Variants in TARS3 observed in about 807,000 individuals in gnomAD.
TARS3 encodes the protein threonine--tRNA ligase 2, cytoplasmic.
In TARS3, 94 loss-of-function variants were observed where a neutral mutation model predicts 103.5. That is an observed-to-expected ratio of 0.91 (90% CI 0.77 to 1.08). The LOEUF (loss-of-function observed/expected upper bound fraction) is 1.08, where lower values mean the gene tolerates loss of function less well. TARS3 is among the 50% of genes least tolerant of loss of function. TARS3 has a pLI of 0.00. For synonymous variants in TARS3, 416 were observed against 355.4 expected, an observed-to-expected ratio of 1.17 and a Z score of -1.92; for missense variants, 952 against 995.2, an observed-to-expected ratio of 0.96 and a Z score of 0.58.
intron 16 of TARS3, among the ~76,000 whole-genome samples, chr15:101,659,994 T>TA (rs1282506064): frequency 2.0e-5 from 3 of 152,322 alleles, no homozygotes; most frequent in African/African-American, 7.2e-5. Flanking sequence ...GGGTGTGATC[T>TA]AGGTTCTGCT....
chr15:101,689,642 G>A (rs1288406428), intron 10 of TARS3, among the ~76,000 whole-genome samples: 1 of 152,168 alleles, frequency 6.6e-6, no homozygotes, highest in African/African-American at 2.4e-5. Flanking sequence ...GAACACTAAA[G>A]ATGACTGGCA....
Position 101,724,315 on chromosome 15 carries a change from G to A in TARS3, c.73C>T (p.Leu25=). Residue 25 remains leucine (L), a synonymous_variant, in exon 1 of 19, where the codon CTG becomes TTG. Transcript: ENST00000335968. ...CTCAGGCGCTCGACCTCCGACCACA[G>A]CCAGCGGATGTCCTCCTCCTGCCGC... ...LERQEEDIRW[L]WSEVERLRDE... is the part of the protein sequence containing the mutation. 1.9e-6 allele frequency: 3 copies of A among 1,568,784 alleles called. No homozygotes were observed. The highest frequency in any genetic ancestry group is 2.6e-6 in the Non-Finnish European group (3 of 1,164,160).
In TARS3 at chr15:101,703,852, T is replaced by A; in HGVS notation, c.1074+7A>T. ...GTTTACTGTATTAAAAAAAAATCAA[T>A]CCTTACCTTAAAAATTTTGATGGTT... On this transcript the variant is annotated splice_region_variant and intron_variant, in intron 8 of 18. Coordinates refer to ENST00000335968, the MANE Select transcript of TARS3 (RefSeq NM_152334.3). 6.2e-7 allele frequency: 1 copy of A among 1,601,480 alleles called. No individual in the cohort carries two copies. Among genetic ancestry groups the A allele is most frequent in the Non-Finnish European group, 8.6e-7 (1 of 1,169,254 alleles).
At chr15:101,661,247 G>T (rs576144899) in intron 16 of TARS3, among the ~76,000 whole-genome samples, 1 of 151,952 alleles carries the variant, frequency 6.6e-6, no homozygotes, top group South Asian at 2.1e-4. Flanking sequence ...CTTTGAGTTT[G>T]TGCCATTTAT....
intron 2 of TARS3, among the ~76,000 whole-genome samples, chr15:101,722,510 CAA>C (rs775394707): frequency 2.7e-4 from 29 of 108,428 alleles, no homozygotes; most frequent in Admixed American, 2.9e-4. Flanking sequence ...TTCTCGAATA[CAA>C]AAAAAAAAAA....
chr15:101,715,024 T>C (rs1303747243), intron 3 of TARS3, 61 bp from the exon 4 acceptor site: 12 of 1,472,204 alleles, frequency 8.2e-6, no homozygotes, highest in African/African-American at 1.4e-5. Context: ...TTCCTTAAAA[T>C]ATTAAAAGAA....
chr15:101,657,022 A>G lies in TARS3; in HGVS notation c.2160T>C (p.Phe720=). The G allele has an allele frequency of 6.2e-7, 1 of 1,611,692 alleles. No individual in the cohort carries two copies. The highest frequency in any genetic ancestry group is 8.5e-7 in the Non-Finnish European group (1 of 1,177,916). The part of the protein sequence containing the change: ...EKYALQVSSE[F]FEEGFMADVD... ...CGTCAGCCATAAATCCTTCTTCAAA[A>G]AATTCACTGGATACCTAGAAGAAAA... The change falls in exon 18 of 19, where the codon TTT becomes TTC. Residue 720 remains phenylalanine (F), a synonymous_variant. Transcript: ENST00000335968.
At chr15:101,721,345 G>A in intron 2 of TARS3, 23 bp from the exon 3 acceptor site, 3 of 1,585,568 alleles carry the variant, frequency 1.9e-6, no homozygotes, top group Non-Finnish European at 2.6e-6. Flanking sequence ...AGAACATAAT[G>A]AGATTAATAT....
chr15:101,713,440 T>C (rs939002224), intron 4 of TARS3, among the ~76,000 whole-genome samples: 2 of 152,230 alleles, frequency 1.3e-5, no homozygotes, highest in African/African-American at 4.8e-5. Flanking sequence ...CATCATTTGA[T>C]AGCTCGATGG....
At chr15:101,711,200 A>G (rs1899850484) in intron 5 of TARS3, among the ~76,000 whole-genome samples, 1 of 152,242 alleles carries the variant, frequency 6.6e-6, no homozygotes, top group African/African-American at 2.4e-5. Context: ...CAAGTCCAAG[A>G]TTAGATAAAT....
At chr15:101,680,069 A>G (rs1191583743) in intron 12 of TARS3, among the ~76,000 whole-genome samples, 1 of 152,164 alleles carries the variant, frequency 6.6e-6, no homozygotes, top group African/African-American at 2.4e-5. Flanking sequence ...CTCCCCACAT[A>G]GTCTTCACTG....
chr15:101,704,782 C>T (rs1332945522), intron 7 of TARS3, among the ~76,000 whole-genome samples: 1 of 151,280 alleles, frequency 6.6e-6, no homozygotes, highest in African/African-American at 2.4e-5. Flanking sequence ...AAGTAAGGTT[C>T]TCAAACCCAA....
intron 10 of TARS3, among the ~76,000 whole-genome samples, chr15:101,697,031 TC>T (rs1396251870): frequency 6.6e-6 from 1 of 152,142 alleles, no homozygotes; most frequent in Non-Finnish European, 1.5e-5. Context: ...TATATAAATG[TC>T]CCCCCTTTGT....
At chr15:101,665,881 A>C (rs1178368706) in intron 15 of TARS3, among the ~76,000 whole-genome samples, 2 of 152,214 alleles carry the variant, frequency 1.3e-5, no homozygotes, top group African/African-American at 4.8e-5. Context: ...AAGTAAAAGT[A>C]AGAAAGCTAA....
chr15:101,718,985 C>T (rs1452998190), intron 3 of TARS3, among the ~76,000 whole-genome samples: 1 of 152,206 alleles, frequency 6.6e-6, no homozygotes, highest in Non-Finnish European at 1.5e-5. Context: ...AGAGGACAAA[C>T]TCGTGCACTT....
At chr15:101,693,091 C>T (rs137914624) in intron 10 of TARS3, among the ~76,000 whole-genome samples, 19 of 152,342 alleles carry the variant, frequency 1.2e-4, no homozygotes, top group African/African-American at 4.3e-4. Flanking sequence ...AAGCAACCCT[C>T]ATGCACAGCT....
intron 4 of TARS3, among the ~76,000 whole-genome samples, chr15:101,714,016 T>A (rs1246008130): frequency 6.6e-6 from 1 of 152,188 alleles, no homozygotes; most frequent in Non-Finnish European, 1.5e-5. Context: ...CCTAAGCTAA[T>A]CATAACTTAG....
chr15:101,678,831 T>C lies in TARS3; in HGVS notation c.1651-3094A>G, dbSNP rs948216633. On this transcript the variant is annotated intron_variant, in intron 12 of 18. Transcript: ENST00000335968. ...TTTCCTTTCTGTTTAGAAAACTTCC[T>C]ACAGCCATTCTTTTGGTGGGTCCAA... is the stretch of plus-strand genomic sequence containing the variant. Among the ~76,000 whole-genome samples the C allele has an allele frequency of 2.6e-5, 4 of 152,332 alleles. No individual in the cohort carries two copies. In the Middle Eastern group the frequency reaches 0.01, roughly 389 times the overall value.
intron 10 of TARS3, among the ~76,000 whole-genome samples, chr15:101,686,275 T>C (rs1249305047): frequency 2.6e-5 from 4 of 152,086 alleles, no homozygotes; most frequent in Non-Finnish European, 4.4e-5. Context: ...ATTTATTTTA[T>C]AGCATATAAC....
Sources: allele counts gnomAD v4.1 joint callset (sites outside exome capture counted in the v4.1 genomes callset), GRCh38; gene constraint gnomAD v4.1.1; transcripts MANE v1.5; gene names NCBI Gene and HGNC (gene_info 2026-07-23, HGNC 2026-07-21).